Variants in MARCHF1 observed in about 807,000 individuals in gnomAD.
MARCHF1 encodes membrane associated ring-CH-type finger 1.
In MARCHF1, 40 loss-of-function variants were observed where a neutral mutation model predicts 54.2. The observed-to-expected ratio is 0.74, with a 90% CI of 0.57 to 0.96. MARCHF1 has a LOEUF of 0.96. Among genes scored for constraint, MARCHF1 ranks in the 40% least tolerant of loss-of-function variants. The probability of loss-of-function intolerance (pLI) is 0.00; values close to 1 mark genes in which losing one functional copy is unlikely to be tolerated. For synonymous variants in MARCHF1, 236 were observed against 236.3 expected (o/e 1.00, Z 0.01); for missense variants, 586 against 656.5 (o/e 0.89, Z 1.17).
chr4:163,675,924 TACAA>T (rs535772475), intron 5 of MARCHF1, among the ~76,000 whole-genome samples: 107 of 152,274 alleles, frequency 7.0e-4, no homozygotes, highest in African/African-American at 2.5e-3. Flanking sequence ...CTATATTTAA[TACAA>T]ACAAACAAAC....
intron 4 of MARCHF1, among the ~76,000 whole-genome samples, chr4:163,840,821 T>C (rs1411130189): frequency 6.6e-6 from 1 of 152,118 alleles, no homozygotes; most frequent in Non-Finnish European, 1.5e-5. Flanking sequence ...TGTTAAGTAA[T>C]GAATATGTTA....
At chr4:163,774,329 G>T (rs1747243685) in intron 4 of MARCHF1, among the ~76,000 whole-genome samples, 1 of 152,038 alleles carries the variant, frequency 6.6e-6, no homozygotes, top group African/African-American at 2.4e-5. Context: ...TGGAACCCAT[G>T]GACACAGAGA....
intron 1 of MARCHF1, among the ~76,000 whole-genome samples, chr4:164,132,809 A>G (rs1319623411): frequency 6.6e-6 from 1 of 152,108 alleles, no homozygotes; most frequent in African/African-American, 2.4e-5. Context: ...TTGTGTATGT[A>G]TATATGTATG....
intron 4 of MARCHF1, among the ~76,000 whole-genome samples, chr4:163,742,397 C>CCCTCCCTTCCTTCCTTCCTTCCTT (rs1312398916): frequency 6.6e-5 from 6 of 91,220 alleles, no homozygotes; most frequent in African/African-American, 2.4e-4. Context: ...CTTCCTTCCT[C>CCCTCCCTTCCTTCCTTCCTTCCTT]CCTTCCTTCC....
chr4:163,796,223 T>TGC (rs397996066), intron 4 of MARCHF1, among the ~76,000 whole-genome samples: 1 of 73,650 alleles, frequency 1.4e-5, no homozygotes, highest in Non-Finnish European at 2.4e-5. Flanking sequence ...AACTTCTAGT[T>TGC]TTTTTTTTTT....
chr4:163,908,781 G>A (rs776351286), intron 3 of MARCHF1, among the ~76,000 whole-genome samples: 78 of 152,190 alleles, frequency 5.1e-4, no homozygotes, highest in African/African-American at 7.0e-4. Flanking sequence ...TCCCCACCAC[G>A]ACACAAAATA....
At chr4:163,845,372 A>T (rs1156303089) in intron 4 of MARCHF1, among the ~76,000 whole-genome samples, 1 of 151,982 alleles carries the variant, frequency 6.6e-6, no homozygotes, top group South Asian at 2.1e-4. Context: ...TTTACAAAAC[A>T]TAAAAACATT....
intron 1 of MARCHF1, among the ~76,000 whole-genome samples, chr4:164,222,223 CTTT>C (rs770447528): frequency 7.0e-6 from 1 of 142,526 alleles, no homozygotes; most frequent in Non-Finnish European, 1.5e-5. Flanking sequence ...CTGTCAACAC[CTTT>C]TTTTTTTTTT....
At chr4:163,909,562 T>G (rs1176652726) in intron 3 of MARCHF1, among the ~76,000 whole-genome samples, 1 of 152,230 alleles carries the variant, frequency 6.6e-6, no homozygotes, top group East Asian at 1.9e-4. Flanking sequence ...AGGAGTATGC[T>G]TCATAGCACA....
rs539287275 is a variant in MARCHF1, at chr4:163,720,601, C to T, written c.112-19738G>A. On this transcript the variant is annotated intron_variant, in intron 4 of 9. Transcript: ENST00000514618. Reference sequence around the variant, plus strand: ...TAGCCTGATGAGGATGGCATTGAATCTGTAAATTACCTTGGGCAGTATGGC... The same window carrying T: ...TAGCCTGATGAGGATGGCATTGAATTTGTAAATTACCTTGGGCAGTATGGC... Among the ~76,000 whole-genome samples, 39 of 152,284 alleles carry T rather than the reference C, an allele frequency of 2.6e-4. 2 individuals carry two copies. In the South Asian group the frequency reaches 7.9e-3, roughly 31 times the overall value.
At chr4:164,261,863 G>A (rs79454843) in intron 1 of MARCHF1, among the ~76,000 whole-genome samples, 17,527 of 152,016 alleles carry the variant, frequency 0.12, 1,573 homozygotes, top group African/African-American at 0.25. Context: ...AAGTGTGGCC[G>A]GATGCAGTGG....
At chr4:163,925,413 T>G (rs1313780685) in intron 3 of MARCHF1, among the ~76,000 whole-genome samples, 1 of 151,840 alleles carries the variant, frequency 6.6e-6, no homozygotes, top group Non-Finnish European at 1.5e-5. Flanking sequence ...GCTCTCTACT[T>G]AGTGTCTCTA....
intron 1 of MARCHF1, among the ~76,000 whole-genome samples, chr4:164,328,477 A>C (rs1735340887): frequency 6.6e-6 from 1 of 152,214 alleles, no homozygotes; most frequent in Non-Finnish European, 1.5e-5. Flanking sequence ...GATAATGTGC[A>C]ACTGAAGAGC....
At chr4:164,036,715 C>G (rs1298315050) in intron 2 of MARCHF1, among the ~76,000 whole-genome samples, 1 of 151,956 alleles carries the variant, frequency 6.6e-6, no homozygotes, top group Non-Finnish European at 1.5e-5. Context: ...CCTCTGTGAT[C>G]AGAGAACACA....
At chr4:164,340,408 TATATAGATATATATA>T (rs1729884278) in intron 1 of MARCHF1, among the ~76,000 whole-genome samples, 4 of 121,938 alleles carry the variant, frequency 3.3e-5, no homozygotes, top group Non-Finnish European at 7.2e-5. Flanking sequence ...CCTTGATTTA[TATATAGATATATATA>T]TATATATATA....
chr4:163,956,470 C>T (rs552334033), intron 3 of MARCHF1, among the ~76,000 whole-genome samples: 2 of 151,982 alleles, frequency 1.3e-5, no homozygotes, highest in African/African-American at 2.4e-5. Context: ...TGAGGGGACT[C>T]GATAGTATTC....
chr4:164,274,540 C>T (rs1245404131), intron 1 of MARCHF1, among the ~76,000 whole-genome samples: 12 of 151,908 alleles, frequency 7.9e-5, no homozygotes, highest in Non-Finnish European at 1.6e-4. Flanking sequence ...TCCAAATTCC[C>T]CAGTGTTCAT....
intron 2 of MARCHF1, among the ~76,000 whole-genome samples, chr4:164,071,751 A>T (rs1417878583): frequency 6.6e-6 from 1 of 152,230 alleles, no homozygotes; most frequent in African/African-American, 2.4e-5. Flanking sequence ...CTTTGCTTTT[A>T]AAATTTCTCA....
At chr4:163,604,768 T>C (rs2110899989) in intron 7 of MARCHF1, among the ~76,000 whole-genome samples, 1 of 152,250 alleles carries the variant, frequency 6.6e-6, no homozygotes. Flanking sequence ...TTGTATACCA[T>C]ATCTCACTCA....
Sources: gnomAD v4.1 joint callset for allele counts (sites outside exome capture counted in the v4.1 genomes callset) on GRCh38, gnomAD v4.1.1 for gene constraint, MANE v1.5 for transcripts, NCBI Gene and HGNC (gene_info 2026-07-23, HGNC 2026-07-21) for gene names.